MDN1: variants seen among roughly 807,000 people sequenced by gnomAD.
MDN1 encodes midasin.
In MDN1, 266 loss-of-function variants were observed where a neutral mutation model predicts 669.2. The observed-to-expected ratio is 0.40, with a 90% confidence interval of 0.36 to 0.44. The LOEUF is 0.44. Among genes scored for constraint, MDN1 ranks in the 20% least tolerant of loss-of-function variants. The probability of loss-of-function intolerance (pLI) is 1.00; values close to 1 mark genes in which losing one functional copy is unlikely to be tolerated. For missense variants in MDN1, 5,940 were observed against 6,754.0 expected, an observed-to-expected ratio of 0.88 and a Z score of 4.22; for synonymous variants, 2,385 against 2,457.1, an observed-to-expected ratio of 0.97 and a Z score of 0.87.
chr6:89,732,491 G>C (rs1331642920), intron 34 of MDN1, 66 bp downstream of exon 34: 1 of 1,397,636 alleles, frequency 7.2e-7, no homozygotes, highest in Non-Finnish European at 1.0e-6. Context: ...AGAGGCCTGG[G>C]CTTGCTCCTT....
intron 91 of MDN1, among the ~76,000 whole-genome samples, chr6:89,656,386 G>C (rs1809301293): frequency 6.6e-6 from 1 of 152,076 alleles, no homozygotes; most frequent in Non-Finnish European, 1.5e-5. Context: ...TCTTAAAAAA[G>C]CAAAAGCCTA....
In MDN1 at chr6:89,749,297, T is replaced by C; in HGVS notation, c.3688A>G (p.Thr1230Ala). The part of the protein sequence containing the change: ...FDELPSSELE[T>A]ILHKRCSLPP... Reference sequence around the variant, plus strand: ...AAACTACACCGCTTGTGCAAGATTGTTTCCAACTCGGAGCTAGGTAACTCA... The same window carrying C: ...AAACTACACCGCTTGTGCAAGATTGCTTCCAACTCGGAGCTAGGTAACTCA... Residue 1230 changes from threonine to alanine, a missense_variant, in exon 26 of 102, where the codon ACA becomes GCA. By Grantham distance (58) the Thr-to-Ala change is moderately conservative. Around this residue, in one of 5 missense-constraint regions of MDN1, gnomAD observed 2,292 missense variants for 2,638.3 expected, o/e 0.87. Transcript: ENST00000369393. 1.2e-6 allele frequency: 2 copies of C among 1,614,126 alleles called. No individual in the cohort carries two copies. Among genetic ancestry groups the C allele is most frequent in the Non-Finnish European group, 1.7e-6 (2 of 1,180,012 alleles).
chr6:89,659,777 C>T (rs1406597699), intron 88 of MDN1, among the ~76,000 whole-genome samples: 1 of 152,198 alleles, frequency 6.6e-6, no homozygotes, highest in African/African-American at 2.4e-5. Flanking sequence ...ACAACTCACA[C>T]TGAAATAGAA....
chr6:89,675,464 C>G lies in MDN1; in HGVS notation c.12761G>C (p.Arg4254Thr), dbSNP rs371847073. 2.5e-6 allele frequency: 4 copies of G among 1,612,634 alleles called. No individual in the cohort carries two copies. Among genetic ancestry groups the G allele is most frequent in the Non-Finnish European group, 3.4e-6 (4 of 1,179,716 alleles). The change falls in exon 78 of 102, where the codon AGG (arginine) becomes ACG (threonine). Residue 4254 changes from arginine to threonine, a missense_variant and splice_region_variant. Physicochemically the swap from Arg to Thr is moderately conservative, Grantham distance 71. This residue lies in a region of MDN1 where 2,280 missense variants were observed against 2,576.3 expected (regional missense o/e 0.88). Coordinates refer to ENST00000369393, the MANE Select transcript of MDN1 (RefSeq NM_014611.3). ...ACAAGCCCAACTCATCAGCTGATAC[C>G]TGAGGATGATCCACTGCTCACTGAG... is the stretch of plus-strand genomic sequence containing the variant. ...TTLSEQWIIL[R>T]NLLSCVQEIH...
chr6:89,748,601 C>A (rs1342594107), intron 26 of MDN1, among the ~76,000 whole-genome samples: 2 of 151,988 alleles, frequency 1.3e-5, no homozygotes, highest in East Asian at 3.9e-4. Context: ...AAACCAAAAA[C>A]CAGTTTTCCC....
intron 7 of MDN1, among the ~76,000 whole-genome samples, chr6:89,788,849 G>A (rs778629039): frequency 6.6e-6 from 1 of 152,202 alleles, no homozygotes; most frequent in South Asian, 2.1e-4. Flanking sequence ...AGGAAGGCCG[G>A]GCGCGGTGGC....
At chr6:89,795,441 GAAA>G (rs75261535) in intron 2 of MDN1, among the ~76,000 whole-genome samples, 40 of 143,662 alleles carry the variant, frequency 2.8e-4, no homozygotes, top group Admixed American at 7.6e-4. Context: ...TGTTCCTACA[GAAA>G]AAAAAAAAAT....
intron 38 of MDN1, among the ~76,000 whole-genome samples, chr6:89,724,767 AAATGTTAAT>A (rs1446323558): frequency 2.0e-5 from 3 of 152,362 alleles, no homozygotes; most frequent in East Asian, 1.9e-4. Context: ...TAAGATACCA[AAATGTTAAT>A]AATGACTGAC....
Position 89,814,415 on chromosome 6 carries a change from C to T in MDN1, c.102+5091G>A, listed in dbSNP as rs189995538. Among the ~76,000 whole-genome samples the T allele has an allele frequency of 1.2e-3, 174 of 141,168 alleles. 2 individuals are homozygous for T. The highest frequency in any genetic ancestry group is 4.5e-3 in the African/African-American group (170 of 37,584). The allele number at this position is 141,168 out of a possible 152,430, so 92.6% of individuals were successfully genotyped here. A position where few individuals can be genotyped will look rare whatever the true frequency, so the allele number is the denominator to read the frequency against. ...TTTTTTTTTTTGGTAGAGACAGAGT[C>T]TCTCTGCTATGTTGCCCAAGCTGGT... On this transcript the variant is annotated intron_variant, in intron 1 of 101. Transcript: ENST00000369393.
At chr6:89,811,129 G>A (rs7744538) in intron 1 of MDN1, among the ~76,000 whole-genome samples, 29,081 of 152,086 alleles carry the variant, frequency 0.19, 2,933 homozygotes, top group African/African-American at 0.25. Flanking sequence ...CACAATATGG[G>A]TGGTGCTTTC....
Position 89,695,519 on chromosome 6 carries a change from C to T in MDN1, c.9771+86G>A. ...ATCATGCTTGTGATGATCTGAGCACCCAAAAGGGAATAAAAGGAGTAATAC... is the reference window on the plus strand; with the variant it reads ...ATCATGCTTGTGATGATCTGAGCACTCAAAAGGGAATAAAAGGAGTAATAC... On this transcript the variant is annotated intron_variant, in intron 61 of 101. Coordinates refer to ENST00000369393, the MANE Select transcript of MDN1 (RefSeq NM_014611.3). This position sits in a 1 kb window ranked among gnomAD's most constrained non-coding sequence, Gnocchi z 4.1. The T allele has an allele frequency of 6.7e-7, 1 of 1,486,060 alleles. No individual in the cohort carries two copies. The highest frequency in any genetic ancestry group is 9.0e-7 in the Non-Finnish European group (1 of 1,105,502). 92.1% of individuals were successfully genotyped at this position (1,486,060 alleles called of 1,614,324 possible).
At chr6:89,682,699 T>TAAAAAAAAAAA (rs143107841) in intron 73 of MDN1, among the ~76,000 whole-genome samples, 283 of 96,836 alleles carry the variant, frequency 2.9e-3, no homozygotes, top group Non-Finnish European at 4.9e-3. Flanking sequence ...GACTCTGTCT[T>TAAAAAAAAAAA]AAAAAAAAAA....
At chr6:89,706,856 A>T (rs1343193803) in intron 52 of MDN1, among the ~76,000 whole-genome samples, 1 of 152,234 alleles carries the variant, frequency 6.6e-6, no homozygotes, top group Middle Eastern at 3.2e-3. Flanking sequence ...AACTATTACT[A>T]ACAGTAGCTG....
intron 1 of MDN1, chr6:89,815,328 G>T: frequency 2.1e-6 from 1 of 478,824 alleles, no homozygotes; most frequent in East Asian, 6.0e-5. Flanking sequence ...TGTCCCAAGA[G>T]CTGGATGAAG....
At chr6:89,677,448 G>T in intron 76 of MDN1, 122 bp downstream of exon 76, 3 of 1,268,812 alleles carry the variant, frequency 2.4e-6, no homozygotes, top group East Asian at 2.5e-5. Context: ...AGGCACTTTT[G>T]TAAGTGGTAG....
intron 84 of MDN1, 77 bp from the exon 85 acceptor site, chr6:89,664,705 G>A: frequency 8.7e-7 from 1 of 1,144,454 alleles, no homozygotes; most frequent in Non-Finnish European, 1.2e-6. Context: ...TAAATGCCAA[G>A]GTTAATGGTG....
chr6:89,805,495 T>C (rs1247481427), intron 1 of MDN1, among the ~76,000 whole-genome samples: 5 of 152,080 alleles, frequency 3.3e-5, no homozygotes, highest in Admixed American at 3.3e-4. Context: ...TGAGCTGAGA[T>C]CATGCCACTG....
At chr6:89,747,775 C>A (rs1816726495) in intron 26 of MDN1, among the ~76,000 whole-genome samples, 2 of 150,750 alleles carry the variant, frequency 1.3e-5, no homozygotes, top group Non-Finnish European at 3.0e-5. Context: ...CCTGTAGTCC[C>A]AGCTACTCCA....
At chr6:89,781,228 A>G (rs1818655475) in intron 10 of MDN1, 171 bp downstream of exon 10, 2 of 646,498 alleles carry the variant, frequency 3.1e-6, no homozygotes, top group East Asian at 2.7e-5. Context: ...GCAACCTATA[A>G]TTTCAAAACC....
Sources: gnomAD v4.1 joint callset for allele counts (sites outside exome capture counted in the v4.1 genomes callset) on GRCh38, gnomAD v4.1.1 for gene constraint, gnomAD v4.1.1 regional missense constraint, Gnocchi (gnomAD v3.1) non-coding constraint, MANE v1.5 for transcripts, NCBI Gene and HGNC (gene_info 2026-07-23, HGNC 2026-07-21) for gene names.